Variants in BLACAT1 observed in about 807,000 individuals in gnomAD.
BLACAT1 encodes the protein bladder cancer associated transcript 1.
chr1:205,446,189 A>G (rs1237891716), intron 1 of BLACAT1, among the ~76,000 whole-genome samples: 1 of 152,210 alleles, frequency 6.6e-6, no homozygotes, highest in Non-Finnish European at 1.5e-5. Flanking sequence ...TGTGAAATAT[A>G]CAATCACATA....
At chr1:205,454,235 T>C (rs1666534428) in intron 1 of BLACAT1, among the ~76,000 whole-genome samples, 2 of 152,232 alleles carry the variant, frequency 1.3e-5, no homozygotes, top group Admixed American at 1.3e-4. Context: ...CATATGCATA[T>C]GACTGCAATT....
chr1:205,454,549 T>TGTGTGA (rs1246150219), intron 1 of BLACAT1, among the ~76,000 whole-genome samples: 1,644 of 147,258 alleles, frequency 0.011, 29 homozygotes, highest in African/African-American at 0.038. Flanking sequence ...TGTGTGTGTG[T>TGTGTGA]GAGAGAGAGA....
At chr1:205,439,341 G>C (rs1418139527), downstream of BLACAT1, among the ~76,000 whole-genome samples, 3 of 152,188 alleles carry the variant, frequency 2.0e-5, no homozygotes, top group Non-Finnish European at 4.4e-5. Flanking sequence ...TAGGAGGTAG[G>C]GGCAAAGGAA....
downstream of BLACAT1, chr1:205,435,426 G>A (rs1666190190): frequency 6.6e-6 from 1 of 152,216 alleles, no homozygotes; most frequent in Non-Finnish European, 1.5e-5. Context: ...GCCATCTTGA[G>A]TAGGGGTGAG....
chr1:205,454,384 C>T (rs991526993), intron 1 of BLACAT1, among the ~76,000 whole-genome samples: 3 of 150,886 alleles, frequency 2.0e-5, no homozygotes, highest in Non-Finnish European at 2.9e-5. Flanking sequence ...TGGTAGTCCC[C>T]AGCTCTGAGA....
chr1:205,455,938 C>A (rs1422438968), exon 1 of BLACAT1: 3 of 152,282 alleles, frequency 2.0e-5, no homozygotes, highest in Admixed American at 6.5e-5. Flanking sequence ...TAAGCCGGCT[C>A]CTCTTGCACT....
intron 1 of BLACAT1, among the ~76,000 whole-genome samples, chr1:205,451,563 C>CG (rs969517102): frequency 1.5e-4 from 22 of 149,754 alleles, no homozygotes; most frequent in South Asian, 4.3e-4. Context: ...GGGGAGTGGT[C>CG]GGGGGGGTAA....
At chr1:205,443,545 T>C (rs910371501) in intron 1 of BLACAT1, among the ~76,000 whole-genome samples, 1 of 152,200 alleles carries the variant, frequency 6.6e-6, no homozygotes, top group Non-Finnish European at 1.5e-5. Flanking sequence ...GGCTGTAGCC[T>C]GGCTCCCGAG....
chr1:205,447,228 C>A (rs1352455456), intron 1 of BLACAT1, among the ~76,000 whole-genome samples: 3 of 152,224 alleles, frequency 2.0e-5, no homozygotes, highest in South Asian at 4.1e-4. Flanking sequence ...TCTTAGCTCC[C>A]TGTGCCTCAG....
chr1:205,440,443 G>C (rs147490065), exon 2 of BLACAT1, among the ~76,000 whole-genome samples: 3 of 152,186 alleles, frequency 2.0e-5, no homozygotes, highest in Non-Finnish European at 4.4e-5. Context: ...AATCCCAGGA[G>C]AGTCTCACAC....
At chr1:205,447,399 T>A (rs1666411275) in intron 1 of BLACAT1, among the ~76,000 whole-genome samples, 1 of 152,172 alleles carries the variant, frequency 6.6e-6, no homozygotes, top group African/African-American at 2.4e-5. Context: ...GAAACTTGCC[T>A]TCTGATTGTC....
exon 2 of BLACAT1, among the ~76,000 whole-genome samples, chr1:205,440,327 A>G (rs1377029403): frequency 6.6e-6 from 1 of 152,146 alleles, no homozygotes; most frequent in Non-Finnish European, 1.5e-5. Flanking sequence ...GCCACTGGCC[A>G]CCTCTGCCTT....
exon 2 of BLACAT1, among the ~76,000 whole-genome samples, chr1:205,439,976 G>A (rs1250335628): frequency 6.6e-6 from 1 of 152,066 alleles, no homozygotes; most frequent in Non-Finnish European, 1.5e-5. Context: ...TGGGGGATGA[G>A]GGAAAAAGTC....
intron 1 of BLACAT1, among the ~76,000 whole-genome samples, chr1:205,454,995 G>T (rs1013430479): frequency 6.6e-6 from 1 of 152,308 alleles, no homozygotes; most frequent in South Asian, 2.1e-4. Context: ...GGAAGGGAGG[G>T]CTCTCCCTTG....
At chr1:205,452,365 G>A (rs1259516337) in intron 1 of BLACAT1, among the ~76,000 whole-genome samples, 1 of 152,180 alleles carries the variant, frequency 6.6e-6, no homozygotes, top group Non-Finnish European at 1.5e-5. Context: ...CCAGAAAAGT[G>A]AACCATTACC....
chr1:205,454,222 G>A (rs1194701264), intron 1 of BLACAT1, among the ~76,000 whole-genome samples: 2 of 152,210 alleles, frequency 1.3e-5, no homozygotes, highest in African/African-American at 4.8e-5. Flanking sequence ...GGGAAGACAG[G>A]CCCATATGCA....
In BLACAT1 at chr1:205,450,947, C is replaced by T. The variant is rs957028089; in HGVS notation, c.-37+4970G>A. On this transcript the variant is annotated intron_variant, in intron 1 of 1. Transcript: ENST00000629624. This position sits in a 1 kb window ranked among gnomAD's most constrained non-coding sequence, Gnocchi z 4.4. ...TGGGCAGTGAAAGGCCACTGCTGGG[C>T]GAGAACCTCGAGGACTCCCTCTCCT... Among the ~76,000 whole-genome samples the T allele has an allele frequency of 2.6e-4, 40 of 152,278 alleles. No individual in the cohort carries two copies. The highest frequency in any genetic ancestry group is 1.0e-3 in the South Asian group (5 of 4,820).
intron 1 of BLACAT1, among the ~76,000 whole-genome samples, chr1:205,444,196 A>AAC (rs1032863265): frequency 4.0e-5 from 6 of 151,826 alleles, no homozygotes; most frequent in Admixed American, 3.9e-4. Context: ...CCCCCAGAAA[A>AAC]ACAGAAGCCC....
intron 1 of BLACAT1, among the ~76,000 whole-genome samples, chr1:205,451,741 A>G (rs1006709041): frequency 6.6e-6 from 1 of 152,114 alleles, no homozygotes; most frequent in African/African-American, 2.4e-5. Flanking sequence ...AGAAGGGGAA[A>G]AGCAACTTTT....
Sources: gnomAD v4.1 joint callset for allele counts (sites outside exome capture counted in the v4.1 genomes callset) on GRCh38, gnomAD v4.1.1 for gene constraint, Gnocchi (gnomAD v3.1) non-coding constraint, MANE v1.5 for transcripts, NCBI Gene and HGNC (gene_info 2026-07-23, HGNC 2026-07-21) for gene names.